FRMD4A: variants seen among roughly 807,000 people sequenced by gnomAD.
FRMD4A encodes FERM domain containing 4A.
Under a neutral mutation model 129.1 loss-of-function variants are expected in FRMD4A, and 29 were observed. The observed-to-expected ratio is 0.22, with a 90% CI of 0.17 to 0.31. The LOEUF (loss-of-function observed/expected upper bound fraction) is 0.31. FRMD4A is among the 10% of genes least tolerant of loss of function. FRMD4A has a pLI of 1.00. For synonymous variants in FRMD4A, 634 were observed against 571.6 expected (o/e 1.11, Z -1.56); for missense variants, 1,272 against 1,375.8 (o/e 0.92, Z 1.19).
At position 13,939,027 on chromosome 10, in the gene FRMD4A, C is replaced by G. The variant is rs939690216; in HGVS notation, c.46-80115G>C. Among the ~76,000 whole-genome samples the G allele has an allele frequency of 2.0e-5, 3 of 152,338 alleles. No homozygotes were observed. In the South Asian group the frequency reaches 6.2e-4, roughly 32 times the overall value. On this transcript the variant is annotated intron_variant, in intron 2 of 24. Transcript: ENST00000357447. ...ATTCCCAGAATAGCACCATCCTCCC[C>G]ACCCTCCAGCAGAGAATGATCTGGT...
intron 6 of FRMD4A, among the ~76,000 whole-genome samples, chr10:13,772,569 T>C (rs975031212): frequency 5.3e-5 from 8 of 152,224 alleles, no homozygotes; most frequent in Non-Finnish European, 1.0e-4. Flanking sequence ...TCGCAGAGGC[T>C]GCACACAAAC....
At chr10:13,833,578 A>G (rs2093823904) in intron 3 of FRMD4A, among the ~76,000 whole-genome samples, 1 of 152,100 alleles carries the variant, frequency 6.6e-6, no homozygotes, top group Admixed American at 6.5e-5. Context: ...CAGATTTGGG[A>G]GCTCCTTACT....
intron 2 of FRMD4A, among the ~76,000 whole-genome samples, chr10:13,994,131 C>G (rs1447904033): frequency 6.6e-6 from 1 of 150,466 alleles, no homozygotes; most frequent in African/African-American, 2.4e-5. Flanking sequence ...GTCTCAGCCT[C>G]CCGAGTAGCT....
rs547263787 is a variant in FRMD4A at position 13,744,457 on chromosome 10, T to C, written c.548+3279A>G. On this transcript the variant is annotated intron_variant, in intron 9 of 24. Transcript: ENST00000357447. ...CTCAGCATTATTATGCTGCTTTCACTGCTTTTTAATGACATAATGTGACTA... is the reference window on the plus strand; with the variant it reads ...CTCAGCATTATTATGCTGCTTTCACCGCTTTTTAATGACATAATGTGACTA... 3 of 152,154 alleles carry C rather than the reference T, an allele frequency of 2.0e-5. No homozygotes were observed. The South Asian group carries it at 6.2e-4, about 32-fold the overall frequency. 9.4% of individuals were successfully genotyped at this position (152,154 alleles called of 1,614,324 possible). A position where few individuals can be genotyped will look rare whatever the true frequency, so the allele number is the denominator to read the frequency against.
chr10:14,105,021 C>T (rs982547642), intron 2 of FRMD4A, among the ~76,000 whole-genome samples: 1 of 152,210 alleles, frequency 6.6e-6, no homozygotes, highest in Non-Finnish European at 1.5e-5. Context: ...GTCCCCACGC[C>T]GCAGGGCCCT....
chr10:13,869,540 G>A (rs1376183641), intron 2 of FRMD4A, among the ~76,000 whole-genome samples: 1 of 152,242 alleles, frequency 6.6e-6, no homozygotes, highest in African/African-American at 2.4e-5. Context: ...GCAGATGGAC[G>A]CTGAAAGACG....
chr10:13,769,152 G>C (rs892748083), intron 6 of FRMD4A, among the ~76,000 whole-genome samples: 3 of 150,594 alleles, frequency 2.0e-5, no homozygotes, highest in African/African-American at 7.4e-5. Flanking sequence ...CACCACGCCT[G>C]GCTAATTTTT....
At chr10:14,117,174 G>A (rs1159881590) in intron 2 of FRMD4A, among the ~76,000 whole-genome samples, 2 of 152,214 alleles carry the variant, frequency 1.3e-5, no homozygotes, top group Admixed American at 1.3e-4. Flanking sequence ...TTGTCTTGGT[G>A]TCTTCTTGGA....
At chr10:14,153,378 G>A (rs1840436816) in intron 2 of FRMD4A, among the ~76,000 whole-genome samples, 1 of 152,144 alleles carries the variant, frequency 6.6e-6, no homozygotes, top group Non-Finnish European at 1.5e-5. Context: ...ACCAAATGAT[G>A]CGTGTACTCC....
chr10:13,797,918 GA>G (rs10565021), intron 4 of FRMD4A, among the ~76,000 whole-genome samples: 369 of 140,662 alleles, frequency 2.6e-3, no homozygotes, highest in Middle Eastern at 0.011. Flanking sequence ...TTTCGCACAA[GA>G]AAAAAAAAAA....
intron 3 of FRMD4A, among the ~76,000 whole-genome samples, chr10:13,857,313 C>G (rs545522216): frequency 2.6e-4 from 40 of 151,812 alleles, no homozygotes; most frequent in Non-Finnish European, 5.0e-4. Flanking sequence ...TACAGTATTA[C>G]CATAACTTAG....
At chr10:14,313,996 T>C (rs1004881052) in intron 2 of FRMD4A, among the ~76,000 whole-genome samples, 1 of 152,286 alleles carries the variant, frequency 6.6e-6, no homozygotes, top group East Asian at 1.9e-4. Context: ...TCCACCCTAA[T>C]TAGGTTAAGC....
chr10:13,663,165 G>A (rs1405076596), intron 19 of FRMD4A, among the ~76,000 whole-genome samples: 2 of 150,746 alleles, frequency 1.3e-5, no homozygotes, highest in African/African-American at 4.9e-5. Flanking sequence ...ACTCCAGCCT[G>A]GGCAATAGTG....
At chr10:13,908,190 A>AAAAT (rs397956220) in intron 2 of FRMD4A, among the ~76,000 whole-genome samples, 2 of 149,596 alleles carry the variant, frequency 1.3e-5, no homozygotes, top group Non-Finnish European at 3.0e-5. Flanking sequence ...AAAAAAAAAA[A>AAAAT]GGACAGAAAA....
At position 13,802,245 on chromosome 10, in the gene FRMD4A, T is replaced by C. The variant is rs555491662; in HGVS notation, c.207-5657A>G. ...AACAAATAGATTTTTGGTTCAAGTG[T>C]TGGCACCTTCAATAGAGATGGCCTC... On this transcript the variant is annotated intron_variant, in intron 4 of 24. Coordinates refer to ENST00000357447, the MANE Select transcript of FRMD4A (RefSeq NM_018027.5). Among the ~76,000 whole-genome samples, 10 of 152,350 alleles carry C rather than the reference T, an allele frequency of 6.6e-5. No individual in the cohort carries two copies. The South Asian group carries it at 1.2e-3, about 19-fold the overall frequency.
chr10:14,137,785 C>T lies in FRMD4A; in HGVS notation c.45+192273G>A, dbSNP rs558694631. The stretch of plus-strand genomic sequence containing the variant: ...TGGCACTCCCTGCCCTCCTTTGCTA[C>T]GCACTAATTTAATTTTAATTCTAGC... On this transcript the variant is annotated intron_variant, in intron 2 of 24. Transcript: ENST00000357447. 5.7e-4 allele frequency among the ~76,000 whole-genome samples: 87 copies of T among 152,246 alleles called. 1 individual carries two copies. Among genetic ancestry groups the T allele is most frequent in the African/African-American group, 1.7e-3 (71 of 41,532 alleles).
intron 2 of FRMD4A, among the ~76,000 whole-genome samples, chr10:14,116,440 G>T (rs1394966230): frequency 6.6e-6 from 1 of 152,190 alleles, no homozygotes; most frequent in Non-Finnish European, 1.5e-5. Context: ...TATTTCTTGT[G>T]TATTCTACCT....
intron 8 of FRMD4A, among the ~76,000 whole-genome samples, chr10:13,754,169 A>C (rs2091757317): frequency 6.6e-6 from 1 of 152,166 alleles, no homozygotes; most frequent in South Asian, 2.1e-4. Flanking sequence ...ATAACTGAAA[A>C]TATGATATTT....
chr10:14,130,043 C>T (rs746076192), intron 2 of FRMD4A, among the ~76,000 whole-genome samples: 1 of 152,122 alleles, frequency 6.6e-6, no homozygotes, highest in Non-Finnish European at 1.5e-5. Context: ...ATTCTGGCTG[C>T]CGCAGCGCTT....
Sources: allele counts gnomAD v4.1 joint callset (sites outside exome capture counted in the v4.1 genomes callset), GRCh38; gene constraint gnomAD v4.1.1; transcripts MANE v1.5; gene names NCBI Gene and HGNC (gene_info 2026-07-23, HGNC 2026-07-21).